The following VAV3 variants were observed in gnomAD, a reference collection of about 807,000 sequenced individuals.
The protein encoded by VAV3 is guanine nucleotide exchange factor VAV3.
VAV3 carries 94 observed loss-of-function variants against 131.2 expected under a neutral mutation model. That is an observed-to-expected ratio of 0.72 (90% CI 0.61 to 0.85). The LOEUF (loss-of-function observed/expected upper bound fraction) is 0.85, where lower values mean the gene tolerates loss of function less well. Ranked by LOEUF, VAV3 falls within the 40% of genes least tolerant of loss-of-function variation. The probability of loss-of-function intolerance (pLI) is 0.00; values close to 1 mark genes in which losing one functional copy is unlikely to be tolerated. For missense variants in VAV3, 939 were observed against 1,002.7 expected (o/e 0.94, Z 0.86); for synonymous variants, 349 against 342.0 (o/e 1.02, Z -0.22).
At chr1:107,889,994 C>T (rs996412315) in intron 1 of VAV3, among the ~76,000 whole-genome samples, 3 of 151,512 alleles carry the variant, frequency 2.0e-5, no homozygotes, top group African/African-American at 7.2e-5. Flanking sequence ...TATTGTATTA[C>T]CTGCTTTTGA....
chr1:107,887,677 G>T (rs2101051018), intron 1 of VAV3, among the ~76,000 whole-genome samples: 1 of 152,196 alleles, frequency 6.6e-6, no homozygotes. Flanking sequence ...CTTGGTTACT[G>T]TTCACAGAAA....
chr1:107,880,523 C>T (rs530014252), intron 1 of VAV3, among the ~76,000 whole-genome samples: 12 of 152,168 alleles, frequency 7.9e-5, no homozygotes, highest in South Asian at 2.1e-4. Context: ...AGGCCAGATG[C>T]GGTGGCTCAT....
intron 8 of VAV3, 124 bp downstream of exon 8, chr1:107,766,323 T>C: frequency 3.2e-6 from 2 of 630,496 alleles, no homozygotes; most frequent in South Asian, 4.3e-5. Context: ...TTGTCCCACG[T>C]TCTAATTACT....
chr1:107,928,883 C>T (rs1335326522), intron 1 of VAV3, among the ~76,000 whole-genome samples: 6 of 151,856 alleles, frequency 4.0e-5, no homozygotes, highest in African/African-American at 1.5e-4. Context: ...AGAAAGATAT[C>T]GATATCCAAG....
intron 15 of VAV3, among the ~76,000 whole-genome samples, 183 bp from the exon 16 acceptor site, chr1:107,705,244 T>A (rs1660373563): frequency 6.6e-6 from 1 of 151,872 alleles, no homozygotes; most frequent in Non-Finnish European, 1.5e-5. Context: ...TGTACCAGAA[T>A]CTGGCTGTGT....
At chr1:107,890,811 G>A (rs909119535) in intron 1 of VAV3, among the ~76,000 whole-genome samples, 1 of 152,116 alleles carries the variant, frequency 6.6e-6, no homozygotes, top group African/African-American at 2.4e-5. Flanking sequence ...TACCAAAAAT[G>A]GAAGACACTT....
chr1:107,850,437 T>C (rs972307173), intron 2 of VAV3, among the ~76,000 whole-genome samples: 21 of 152,242 alleles, frequency 1.4e-4, no homozygotes, highest in African/African-American at 5.1e-4. Context: ...TGGTTGAAGC[T>C]GGAAACCATC....
At chr1:107,642,072 G>A (rs1283182116) in intron 20 of VAV3, among the ~76,000 whole-genome samples, 3 of 152,158 alleles carry the variant, frequency 2.0e-5, no homozygotes, top group African/African-American at 7.2e-5. Context: ...TTCGGATAGT[G>A]TCAGAGGCGT....
intron 2 of VAV3, among the ~76,000 whole-genome samples, chr1:107,873,847 G>A (rs926370954): frequency 3.3e-5 from 5 of 152,088 alleles, no homozygotes; most frequent in Non-Finnish European, 5.9e-5. Context: ...GGTTAAGACC[G>A]GAGAGAGAAC....
intron 1 of VAV3, among the ~76,000 whole-genome samples, chr1:107,889,944 T>C (rs774782934): frequency 2.0e-5 from 3 of 152,252 alleles, no homozygotes; most frequent in Non-Finnish European, 4.4e-5. Flanking sequence ...CATCTGGCTG[T>C]GGAAATTAAC....
rs1489401983 is a variant in VAV3, at chr1:107,874,912, C to T, written c.310G>A (p.Asp104Asn). 3.1e-6 allele frequency: 5 copies of T among 1,613,092 alleles called. No individual in the cohort carries two copies. Among genetic ancestry groups the T allele is most frequent in the East Asian group, 2.2e-5 (1 of 44,810 alleles). ...TGAAGTATAATTACCTTTCCAAAGT[C>T]ACGAACATCAAACAAGTCAAATGCC... ...FEAFDLFDVR[D>N]FGKVIETLSR... is the part of the protein sequence containing the mutation. Residue 104 changes from aspartate (D) to asparagine (N), a missense_variant, in exon 2 of 27, where the codon GAC (aspartate) becomes AAC (asparagine). By Grantham distance (23) the Asp-to-Asn change is conservative. Transcript: ENST00000370056.
chr1:107,882,117 A>G (rs1326095565), intron 1 of VAV3, among the ~76,000 whole-genome samples: 1 of 152,166 alleles, frequency 6.6e-6, no homozygotes, highest in African/African-American at 2.4e-5. Context: ...ATGGAAGAGG[A>G]AAAATCTCTA....
chr1:107,752,629 A>G (rs1303661691), intron 12 of VAV3, among the ~76,000 whole-genome samples: 1 of 152,246 alleles, frequency 6.6e-6, no homozygotes, highest in African/African-American at 2.4e-5. Flanking sequence ...TGATTCAAAA[A>G]TGGGCAAAGC....
At chr1:107,829,233 C>G (rs967513152) in intron 2 of VAV3, among the ~76,000 whole-genome samples, 5 of 152,184 alleles carry the variant, frequency 3.3e-5, no homozygotes, top group Admixed American at 3.3e-4. Context: ...GTGCTGCTTA[C>G]TACAGCACTA....
chr1:107,714,909 A>T (rs4914956), intron 15 of VAV3, among the ~76,000 whole-genome samples: 72,323 of 151,998 alleles, frequency 0.48, 17,904 homozygotes, highest in Non-Finnish European at 0.54. Context: ...ATTTTATTCA[A>T]GATGGGCTTT....
intron 17 of VAV3, among the ~76,000 whole-genome samples, chr1:107,703,065 G>A (rs892234791): frequency 1.3e-5 from 2 of 152,026 alleles, no homozygotes; most frequent in Non-Finnish European, 2.9e-5. Flanking sequence ...TTAGAACCAT[G>A]CCAACTATGG....
chr1:107,758,990 G>A (rs984736604), intron 10 of VAV3, among the ~76,000 whole-genome samples: 2 of 152,104 alleles, frequency 1.3e-5, no homozygotes, highest in African/African-American at 4.8e-5. Flanking sequence ...ACTCCTCTGG[G>A]GAGTCTTCTA....
chr1:107,654,481 A>G (rs534200323), intron 19 of VAV3, among the ~76,000 whole-genome samples: 1 of 152,172 alleles, frequency 6.6e-6, no homozygotes, highest in African/African-American at 2.4e-5. Flanking sequence ...TTTTCAATGT[A>G]AAATATTTGA....
At chr1:107,714,964 T>A (rs574761128) in intron 15 of VAV3, among the ~76,000 whole-genome samples, 5 of 152,302 alleles carry the variant, frequency 3.3e-5, no homozygotes, top group African/African-American at 1.2e-4. Flanking sequence ...TCAGTGACAT[T>A]GCAAAGAAAT....
Sources: gnomAD v4.1 joint callset for allele counts (sites outside exome capture counted in the v4.1 genomes callset) on GRCh38, gnomAD v4.1.1 for gene constraint, MANE v1.5 for transcripts, NCBI Gene and HGNC (gene_info 2026-07-23, HGNC 2026-07-21) for gene names.